Variants in INPP4B observed in about 807,000 individuals in gnomAD.
The protein encoded by INPP4B is inositol polyphosphate-4-phosphatase type II B, also known as inositol polyphosphate 4-phosphatase type II.
In INPP4B, 55 loss-of-function variants were observed where a neutral mutation model predicts 122.5. That is an observed-to-expected ratio of 0.45 (90% CI 0.36 to 0.56). INPP4B has a LOEUF of 0.56. Ranked by LOEUF, INPP4B falls within the 20% of genes least tolerant of loss-of-function variation. INPP4B has a pLI of 0.00. For synonymous variants in INPP4B, 403 were observed against 388.7 expected, an observed-to-expected ratio of 1.04 and a Z score of -0.43; for missense variants, 1,000 against 1,097.7, an observed-to-expected ratio of 0.91 and a Z score of 1.26.
chr4:142,135,060 C>A (rs1803349473), intron 18 of INPP4B, among the ~76,000 whole-genome samples: 1 of 152,040 alleles, frequency 6.6e-6, no homozygotes, highest in African/African-American at 2.4e-5. Flanking sequence ...AATATAAATT[C>A]TGAGAATATT....
intron 2 of INPP4B, among the ~76,000 whole-genome samples, chr4:142,521,185 G>A (rs1217321982): frequency 6.6e-6 from 1 of 151,506 alleles, no homozygotes; most frequent in Non-Finnish European, 1.5e-5. Context: ...AAACAATTAG[G>A]GAAAATTAAG....
chr4:142,178,253 A>G (rs1829220464), intron 15 of INPP4B, among the ~76,000 whole-genome samples: 1 of 152,052 alleles, frequency 6.6e-6, no homozygotes, highest in Non-Finnish European at 1.5e-5. Context: ...TTTCCTTCAA[A>G]ATATACCCAG....
At chr4:142,298,170 A>G (rs926524667) in intron 9 of INPP4B, among the ~76,000 whole-genome samples, 1 of 152,212 alleles carries the variant, frequency 6.6e-6, no homozygotes, top group Non-Finnish European at 1.5e-5. Flanking sequence ...CTGCTTTCAA[A>G]TGTGGTTATA....
intron 2 of INPP4B, among the ~76,000 whole-genome samples, chr4:142,550,663 C>T (rs1242742093): frequency 1.3e-5 from 2 of 150,142 alleles, no homozygotes; most frequent in African/African-American, 2.4e-5. Flanking sequence ...ATTTTTCTCT[C>T]ATCCCTTGTA....
intron 9 of INPP4B, among the ~76,000 whole-genome samples, chr4:142,291,021 G>A (rs1465655559): frequency 6.6e-6 from 1 of 152,034 alleles, no homozygotes; most frequent in East Asian, 1.9e-4. Flanking sequence ...TCTGCTCTTA[G>A]AAGTCCCAAT....
chr4:142,508,209 T>C (rs187231276), intron 2 of INPP4B, among the ~76,000 whole-genome samples: 2 of 152,138 alleles, frequency 1.3e-5, no homozygotes, highest in Non-Finnish European at 2.9e-5. Context: ...GCCTAATCAC[T>C]TTGACCAGCC....
rs186770365 is a variant in INPP4B at position 142,836,429 on chromosome 4, C to T, written c.-254+9780G>A. Among the ~76,000 whole-genome samples the T allele has an allele frequency of 1.3e-3, 202 of 151,614 alleles. 1 individual carries two copies. Among genetic ancestry groups the T allele is most frequent in the African/African-American group, 4.7e-3 (194 of 41,350 alleles). ...GTGAGAGTGTGTGAGTGTGTGTGTG[C>T]GCGCGTGTGTGTATACCTCTAGAAA... On this transcript the variant is annotated intron_variant, in intron 1 of 25. Transcript: ENST00000262992.
intron 11 of INPP4B, among the ~76,000 whole-genome samples, chr4:142,241,007 A>G (rs1006842612): frequency 2.6e-5 from 4 of 152,144 alleles, no homozygotes; most frequent in African/African-American, 9.7e-5. Flanking sequence ...TTTAAAAAAA[A>G]AGATTCTTCT....
chr4:142,560,368 C>T (rs904890325), intron 2 of INPP4B: 9 of 152,162 alleles, frequency 5.9e-5, no homozygotes, highest in Non-Finnish European at 1.2e-4. Context: ...AATACTACTA[C>T]TACTGTATTA....
At chr4:142,076,792 A>C (rs891330105) in intron 25 of INPP4B, among the ~76,000 whole-genome samples, 1 of 152,120 alleles carries the variant, frequency 6.6e-6, no homozygotes, top group Admixed American at 6.6e-5. Context: ...CTATGCTTAC[A>C]ATGCTTATAC....
At chr4:142,601,013 A>G (rs574879847) in intron 2 of INPP4B, among the ~76,000 whole-genome samples, 93 of 152,278 alleles carry the variant, frequency 6.1e-4, no homozygotes, top group African/African-American at 2.1e-3. Flanking sequence ...AAATATATAT[A>G]TAGGCACTGA....
chr4:142,030,026 T>A, intron 25 of INPP4B: 10 of 1,380,680 alleles, frequency 7.2e-6, no homozygotes, highest in Non-Finnish European at 9.4e-6. Flanking sequence ...TAACATTTTT[T>A]AAATTCTGTG....
intron 2 of INPP4B, among the ~76,000 whole-genome samples, chr4:142,595,214 C>G (rs149813304): frequency 1.9e-3 from 289 of 152,070 alleles, no homozygotes; most frequent in African/African-American, 6.8e-3. Context: ...CATTTACTCT[C>G]TTAGTGGTAT....
chr4:142,553,936 A>C (rs969194510), intron 2 of INPP4B, among the ~76,000 whole-genome samples: 2 of 152,142 alleles, frequency 1.3e-5, no homozygotes, highest in African/African-American at 4.8e-5. Context: ...CACACCTGTA[A>C]TCCCAGCACT....
At chr4:142,490,371 GAACCACCTGTAAT>G (rs1821729314) in intron 2 of INPP4B, among the ~76,000 whole-genome samples, 1 of 152,012 alleles carries the variant, frequency 6.6e-6, no homozygotes, top group Non-Finnish European at 1.5e-5. Flanking sequence ...TTACAGGCCT[GAACCACCTGTAAT>G]AACCACCTGT....
At chr4:142,055,506 A>T (rs544139226) in intron 25 of INPP4B, among the ~76,000 whole-genome samples, 1 of 152,234 alleles carries the variant, frequency 6.6e-6, no homozygotes, top group East Asian at 1.9e-4. Flanking sequence ...AAATTAGATA[A>T]CTTTCATTAC....
chr4:142,188,071 A>G (rs1417057464), intron 15 of INPP4B, among the ~76,000 whole-genome samples: 1 of 152,112 alleles, frequency 6.6e-6, no homozygotes, highest in Non-Finnish European at 1.5e-5. Flanking sequence ...TATGATTTTA[A>G]TCTCTGTCTT....
chr4:142,647,174 A>T (rs1042526215), intron 2 of INPP4B, among the ~76,000 whole-genome samples: 1 of 152,138 alleles, frequency 6.6e-6, no homozygotes, highest in African/African-American at 2.4e-5. Flanking sequence ...AGAAGAAAAT[A>T]CCAAAATAAA....
intron 3 of INPP4B, among the ~76,000 whole-genome samples, chr4:142,436,001 C>T (rs1810419212): frequency 6.6e-6 from 1 of 152,192 alleles, no homozygotes; most frequent in South Asian, 2.1e-4. Flanking sequence ...CTACTTAATA[C>T]ACTAAGCTCC....
Sources: allele counts gnomAD v4.1 joint callset (sites outside exome capture counted in the v4.1 genomes callset), GRCh38; gene constraint gnomAD v4.1.1; transcripts MANE v1.5; gene names NCBI Gene and HGNC (gene_info 2026-07-23, HGNC 2026-07-21).